Variants in NOTCH1 observed in about 807,000 individuals in gnomAD.
The protein encoded by NOTCH1 is notch receptor 1, also known as neurogenic locus notch homolog protein 1.
A neutral mutation model predicts 254.8 loss-of-function variants in NOTCH1; 37 were observed. That is an observed-to-expected ratio of 0.15 (90% CI 0.11 to 0.19). NOTCH1 has a LOEUF of 0.19. Among genes scored for constraint, NOTCH1 ranks in the 10% least tolerant of loss-of-function variants. The pLI is 1.00. For missense variants in NOTCH1, 2,972 were observed against 3,708.6 expected, an observed-to-expected ratio of 0.80 and a Z score of 5.16; for synonymous variants, 1,731 against 1,618.1, an observed-to-expected ratio of 1.07 and a Z score of -1.68.
In NOTCH1 at chr9:136,496,443, G is replaced by C. The variant is rs1842915498; in HGVS notation, c.7296C>G (p.Ser2432Arg). The C allele has an allele frequency of 3.1e-6, 5 of 1,600,070 alleles. No homozygotes were observed. Among genetic ancestry groups the C allele is most frequent in the Non-Finnish European group, 4.2e-6 (5 of 1,179,856 alleles). ...SSAASGHLGR[S>R]FLSGEPSQAD... Reference sequence around the variant, plus strand: ...CCTGGCTCGGCTCTCCACTCAGGAAGCTCCGGCCCAGGTGGCCGCTGGCTG... The same window carrying C: ...CCTGGCTCGGCTCTCCACTCAGGAACCTCCGGCCCAGGTGGCCGCTGGCTG... Residue 2432 changes from serine (S) to arginine (R), a missense_variant, in exon 34 of 34, where the codon AGC (serine) becomes AGG (arginine). Ser to Arg is a moderately radical substitution (Grantham distance 110, BLOSUM62 -1). Around this residue, in one of 8 missense-constraint regions of NOTCH1, gnomAD observed 529 missense variants for 529.2 expected, o/e 1.00. Transcript: ENST00000651671.
rs1252038839 is a variant in NOTCH1, at chr9:136,495,398, A to C, written c.*673T>G. Reference sequence around the variant, plus strand: ...CACTCTTGGCATACACACTCCGAGAACACATTTTCACAAGCATGCTTGCAA... The same window carrying C: ...CACTCTTGGCATACACACTCCGAGACCACATTTTCACAAGCATGCTTGCAA... On this transcript the variant is annotated 3_prime_UTR_variant, in exon 34 of 34. Coordinates refer to ENST00000651671, the MANE Select transcript of NOTCH1 (RefSeq NM_017617.5). 1.3e-5 allele frequency: 5 copies of C among 398,916 alleles called. No homozygotes were observed. Among genetic ancestry groups the C allele is most frequent in the Non-Finnish European group, 1.8e-5 (4 of 226,222 alleles). The allele number at this position is 398,916 out of a possible 1,614,324, so 24.7% of individuals were successfully genotyped here. A position where few individuals can be genotyped will look rare whatever the true frequency, so the allele number is the denominator to read the frequency against.
At chr9:136,537,961 T>C (rs1384222349) in intron 2 of NOTCH1, among the ~76,000 whole-genome samples, 1 of 151,970 alleles carries the variant, frequency 6.6e-6, no homozygotes, top group Non-Finnish European at 1.5e-5. Flanking sequence ...GGAGTGGTGG[T>C]ATGTGCCTGT....
At chr9:136,529,963 C>T (rs1045083267) in intron 2 of NOTCH1, among the ~76,000 whole-genome samples, 4 of 152,244 alleles carry the variant, frequency 2.6e-5, no homozygotes, top group Admixed American at 6.5e-5. Context: ...CGCCTGCAGC[C>T]GTTGGGCTGG....
chr9:136,532,552 C>A (rs2133390287), intron 2 of NOTCH1, among the ~76,000 whole-genome samples: 1 of 152,302 alleles, frequency 6.6e-6, no homozygotes, highest in African/African-American at 2.4e-5. Flanking sequence ...GATGACACAT[C>A]CCCGGGGGAG....
At chr9:136,534,203 C>T (rs548448940) in intron 2 of NOTCH1, among the ~76,000 whole-genome samples, 166 of 152,366 alleles carry the variant, frequency 1.1e-3, no homozygotes, top group South Asian at 6.0e-3. Flanking sequence ...ACCTGCCTCC[C>T]TGGGCCTTGG....
rs1034165273 is a variant in NOTCH1 at position 136,545,219 on chromosome 9, C to T, written c.61+507G>A. ...CGGGGCGACCGGGAGCCCGGGGACC[C>T]AGCCCGGCCGCGCGGGTCAGTGAAG... On this transcript the variant is annotated intron_variant, in intron 1 of 33. Coordinates refer to ENST00000651671, the MANE Select transcript of NOTCH1 (RefSeq NM_017617.5). This position sits in a 1 kb window ranked among gnomAD's most constrained non-coding sequence, Gnocchi z 6.8. Among the ~76,000 whole-genome samples, 4 of 152,044 alleles carry T rather than the reference C, an allele frequency of 2.6e-5. No homozygotes were observed. The highest frequency in any genetic ancestry group is 4.4e-5 in the Non-Finnish European group (3 of 67,972).
Position 136,544,044 on chromosome 9 carries a change from G to C in NOTCH1, c.120C>G (p.Ala40=). The part of the protein sequence containing the change: ...TCLNGGKCEA[A]NGTEACVCGG... ...CTCACACGCAGGCCTCCGTGCCATT[G>C]GCCGCTTCACACTTCCCGCCATTCA... Residue 40 remains alanine, a synonymous_variant, in exon 2 of 34, where the codon GCC becomes GCG. Coordinates refer to ENST00000651671, the MANE Select transcript of NOTCH1 (RefSeq NM_017617.5). 1 of 1,575,706 alleles carries C rather than the reference G, an allele frequency of 6.3e-7. No individual in the cohort carries two copies. The highest frequency in any genetic ancestry group is 8.6e-7 in the Non-Finnish European group (1 of 1,161,558).
Position 136,495,779 on chromosome 9 carries a change from T to A in NOTCH1, c.*292A>T, listed in dbSNP as rs984862493. ...ATATTTTATAAACACAGAAGAATCT[T>A]TTCATCCTACGTAGGAAAACCCTGG... On this transcript the variant is annotated 3_prime_UTR_variant, in exon 34 of 34. Transcript: ENST00000651671. 8.1e-5 allele frequency: 34 copies of A among 419,726 alleles called. No homozygotes were observed. The highest frequency in any genetic ancestry group is 6.9e-4 in the African/African-American group (34 of 49,038). The allele number at this position is 419,726 out of a possible 1,614,324, so 26.0% of individuals were successfully genotyped here. A position where few individuals can be genotyped will look rare whatever the true frequency, so the allele number is the denominator to read the frequency against.
chr9:136,524,696 G>C (rs1269278620), intron 2 of NOTCH1, among the ~76,000 whole-genome samples: 1 of 147,464 alleles, frequency 6.8e-6, no homozygotes, highest in Non-Finnish European at 1.5e-5. Context: ...GGAGTGCAGG[G>C]GCGCGATCTA....
intron 2 of NOTCH1, among the ~76,000 whole-genome samples, chr9:136,535,320 G>A: frequency 6.6e-6 from 1 of 152,050 alleles, no homozygotes; most frequent in Non-Finnish European, 1.5e-5. Context: ...GTGCGGAGAG[G>A]GCCCTGTTTA....
At position 136,503,175 on chromosome 9, in the gene NOTCH1, C is replaced by T. The variant is rs1297026322; in HGVS notation, c.5167+7G>A. The T allele has an allele frequency of 3.7e-6, 6 of 1,612,720 alleles. No homozygotes were observed. The highest frequency in any genetic ancestry group is 1.7e-5 in the Admixed American group (1 of 60,022). The stretch of plus-strand genomic sequence containing the variant: ...AGAGCCTGTTCCCGGGATGGGGCCA[C>T]ACTTACTCTGCACGGCCTCGATCTT... On this transcript the variant is annotated splice_region_variant and intron_variant, in intron 27 of 33. Transcript: ENST00000651671.
In NOTCH1 at chr9:136,540,557, G is replaced by A. The variant is rs140932069; in HGVS notation, c.140+3467C>T. On this transcript the variant is annotated intron_variant, in intron 2 of 33. Transcript: ENST00000651671. This position sits in a 1 kb window ranked among gnomAD's most constrained non-coding sequence, Gnocchi z 4.4. ...GCGGGGAAGAAAGGAGCGCTGACCAGGTGCCCTCTCCACACGGTTCTCATG... is the reference window on the plus strand; with the variant it reads ...GCGGGGAAGAAAGGAGCGCTGACCAAGTGCCCTCTCCACACGGTTCTCATG... Among the ~76,000 whole-genome samples, 655 of 152,300 alleles carry A rather than the reference G, an allele frequency of 4.3e-3. 7 individuals are homozygous for A. Among genetic ancestry groups the A allele is most frequent in the African/African-American group, 0.015 (629 of 41,560 alleles).
At chr9:136,509,244 G>A (rs932944441) in intron 18 of NOTCH1, among the ~76,000 whole-genome samples, 173 bp from the exon 19 acceptor site, 16 of 152,168 alleles carry the variant, frequency 1.1e-4, no homozygotes, top group African/African-American at 2.2e-4. Flanking sequence ...CCCGGGGCCC[G>A]GCTCTCACAC....
At chr9:136,519,392 G>A (rs1213268548) in intron 5 of NOTCH1, 51 bp downstream of exon 5, 1 of 1,608,292 alleles carries the variant, frequency 6.2e-7, no homozygotes, top group Non-Finnish European at 8.5e-7. Context: ...TTAGTAAGTG[G>A]GTAGCAGCCC....
Position 136,505,523 on chromosome 9 carries a change from G to A in NOTCH1, c.4373C>T (p.Ala1458Val), listed in dbSNP as rs374352922. Residue 1458 changes from alanine (A) to valine (V), a missense_variant, in exon 25 of 34, where the codon GCG becomes GTG. By Grantham distance (64) the Ala-to-Val change is moderately conservative. Around this residue, in one of 8 missense-constraint regions of NOTCH1, gnomAD observed 1,343 missense variants for 1,557.0 expected, o/e 0.86. Coordinates refer to ENST00000651671, the MANE Select transcript of NOTCH1 (RefSeq NM_017617.5). ...ACELPECQED[A>V]GNKVCSLQCN... ...CTGCAGGCTGCAGACCTTGTTGCCC[G>A]CGTCCTCCTGGCACTCGGGCAGCTC... is the stretch of plus-strand genomic sequence containing the variant. 2.4e-5 allele frequency: 38 copies of A among 1,612,288 alleles called. No individual in the cohort carries two copies. The highest frequency in any genetic ancestry group is 2.3e-4 in the Admixed American group (14 of 59,978).
At chr9:136,512,558 A>T (rs758905171) in intron 15 of NOTCH1, among the ~76,000 whole-genome samples, 8 of 152,178 alleles carry the variant, frequency 5.3e-5, no homozygotes, top group African/African-American at 7.2e-5. Flanking sequence ...AGAGCCCGCC[A>T]TCAAAGGAAT....
Position 136,518,206 on chromosome 9 carries a change from C to A in NOTCH1, c.1186G>T (p.Ala396Ser), listed in dbSNP as rs373966349. 1 of 1,607,454 alleles carries A rather than the reference C, an allele frequency of 6.2e-7. No homozygotes were observed. The highest frequency in any genetic ancestry group is 8.5e-7 in the Non-Finnish European group (1 of 1,177,730). Residue 396 changes from alanine (A) to serine (S), a missense_variant, in exon 7 of 34, where the codon GCC (alanine) becomes TCC (serine). Physicochemically the swap from Ala to Ser is moderately conservative, Grantham distance 99. This residue lies in a region of NOTCH1 where 90 missense variants were observed against 183.6 expected (regional missense o/e 0.49). Transcript: ENST00000651671. Reference sequence around the variant, plus strand: ...TACCCCGAGGGGCAGGTGCAGATGGCCTTGCCATTGACAGGGTTGGTGTCG... The same window carrying A: ...TACCCCGAGGGGCAGGTGCAGATGGACTTGCCATTGACAGGGTTGGTGTCG... ...NCDTNPVNGKAICTCPSGYTG... is the reference protein window; with the variant it reads ...NCDTNPVNGKSICTCPSGYTG...
rs957002412 is a variant in NOTCH1 at position 136,545,707 on chromosome 9, C to T, written c.61+19G>A. 5.9e-5 allele frequency: 78 copies of T among 1,333,262 alleles called. No individual in the cohort carries two copies. The African/African-American group carries it at 9.2e-4, about 16-fold the overall frequency. 82.6% of individuals were successfully genotyped at this position (1,333,262 alleles called of 1,614,324 possible). On this transcript the variant is annotated intron_variant, in intron 1 of 33. Coordinates refer to ENST00000651671, the MANE Select transcript of NOTCH1 (RefSeq NM_017617.5). This position sits in a 1 kb window ranked among gnomAD's most constrained non-coding sequence, Gnocchi z 6.8. ...AAAGGGCGCGGAAAGTGGGGGCTCG[C>T]GGGTGGGTGGGCGCCTACCTCGTGC...
Position 136,523,757 on chromosome 9 carries a change from C to G in NOTCH1, c.363G>C (p.Thr121=), listed in dbSNP as rs777400734. 6.2e-7 allele frequency: 1 copy of G among 1,611,088 alleles called. No individual in the cohort carries two copies. Among genetic ancestry groups the G allele is most frequent in the African/African-American group, 1.3e-5 (1 of 75,028 alleles). ...GGCAGCGGCACTTGTACTCCGTCAG[C>G]GTGAGCAGGTCGCAGGTGCCCCCGT... ...CRNGGTCDLL[T]LTEYKCRCPP... The change falls in exon 3 of 34, where the codon ACG becomes ACC. Residue 121 remains threonine (T), a synonymous_variant. Coordinates refer to ENST00000651671, the MANE Select transcript of NOTCH1 (RefSeq NM_017617.5).
Sources: gnomAD v4.1 joint callset for allele counts (sites outside exome capture counted in the v4.1 genomes callset) on GRCh38, gnomAD v4.1.1 for gene constraint, gnomAD v4.1.1 regional missense constraint, Gnocchi (gnomAD v3.1) non-coding constraint, MANE v1.5 for transcripts, NCBI Gene and HGNC (gene_info 2026-07-23, HGNC 2026-07-21) for gene names.